Variants in EPB41L4A observed in about 807,000 individuals in gnomAD.
EPB41L4A encodes band 4.1-like protein 4A.
In EPB41L4A, 100 loss-of-function variants were observed where a neutral mutation model predicts 108.6. The ratio of observed to expected loss-of-function variants is 0.92; its 90% CI spans 0.78 to 1.09. EPB41L4A has a LOEUF of 1.09. Ranked by LOEUF, EPB41L4A falls within the 50% of genes least tolerant of loss-of-function variation. The pLI, the probability that EPB41L4A is intolerant of heterozygous loss-of-function variation, is 0.00. For missense variants in EPB41L4A, 1,030 were observed against 842.7 expected (o/e 1.22, Z -2.75); for synonymous variants, 319 against 289.0 (o/e 1.10, Z -1.05).
chr5:112,279,064 CA>C (rs60463391), intron 3 of EPB41L4A, among the ~76,000 whole-genome samples: 1,677 of 76,860 alleles, frequency 0.022, 10 homozygotes, highest in African/African-American at 0.051. Context: ...GATACCGTCT[CA>C]AAAAAAAAAA....
chr5:112,357,778 A>G (rs946282800), intron 1 of EPB41L4A, among the ~76,000 whole-genome samples: 3 of 152,226 alleles, frequency 2.0e-5, no homozygotes, highest in Non-Finnish European at 4.4e-5. Context: ...AGAAAATAGT[A>G]TAGGAACAGA....
At chr5:112,241,242 A>T (rs1749764365) in intron 9 of EPB41L4A, among the ~76,000 whole-genome samples, 1 of 152,192 alleles carries the variant, frequency 6.6e-6, no homozygotes, top group Admixed American at 6.6e-5. Context: ...CAATGAGTAA[A>T]GAATCTCAAG....
chr5:112,325,261 G>A (rs145126654), intron 1 of EPB41L4A, among the ~76,000 whole-genome samples: 2,465 of 152,164 alleles, frequency 0.016, 63 homozygotes, highest in South Asian at 0.057. Context: ...CTAACATGGT[G>A]AAACCCTGTC....
chr5:112,292,933 T>C (rs1331741072), intron 2 of EPB41L4A, among the ~76,000 whole-genome samples: 3 of 152,172 alleles, frequency 2.0e-5, no homozygotes, highest in Admixed American at 2.0e-4. Flanking sequence ...AGAAGGACAG[T>C]CTAATTTAAT....
intron 2 of EPB41L4A, among the ~76,000 whole-genome samples, chr5:112,305,385 G>A (rs1471938165): frequency 6.6e-6 from 1 of 152,034 alleles, no homozygotes; most frequent in African/African-American, 2.4e-5. Flanking sequence ...TGCTATGTGA[G>A]GTCCCGAATG....
At chr5:112,284,279 T>C (rs1753143344) in intron 2 of EPB41L4A, among the ~76,000 whole-genome samples, 1 of 152,154 alleles carries the variant, frequency 6.6e-6, no homozygotes, top group Admixed American at 6.5e-5. Context: ...TGGAGTCTCC[T>C]AGAGTTCTAA....
intron 1 of EPB41L4A, among the ~76,000 whole-genome samples, chr5:112,348,113 C>CAA (rs1757804040): frequency 6.6e-6 from 1 of 152,152 alleles, no homozygotes; most frequent in African/African-American, 2.4e-5. Flanking sequence ...TGTGCCCTAC[C>CAA]TATTACACTT....
rs150742810 is a variant in EPB41L4A at position 112,401,796 on chromosome 5, G to A, written c.99+17145C>T. 2.8e-4 allele frequency among the ~76,000 whole-genome samples: 42 copies of A among 152,314 alleles called. 1 individual carries two copies. The East Asian group carries it at 6.4e-3, about 23-fold the overall frequency. ...AGAGAGCCAATGACAGGTGCATGCA[G>A]TAAAACCTCAAGATACACTAGTCAG... On this transcript the variant is annotated intron_variant, in intron 1 of 22. Transcript: ENST00000261486.
chr5:112,226,752 T>C (rs1748482638), intron 12 of EPB41L4A, among the ~76,000 whole-genome samples: 1 of 151,728 alleles, frequency 6.6e-6, no homozygotes, highest in Admixed American at 6.6e-5. Flanking sequence ...ATTCCATTTA[T>C]ATGAAGTACT....
intron 1 of EPB41L4A, among the ~76,000 whole-genome samples, chr5:112,319,011 G>C (rs1021242791): frequency 6.6e-6 from 1 of 152,156 alleles, no homozygotes; most frequent in African/African-American, 2.4e-5. Context: ...ATAGGAAACA[G>C]AGCAACAACA....
chr5:112,224,227 G>C (rs1270413737), intron 12 of EPB41L4A, among the ~76,000 whole-genome samples: 4 of 152,184 alleles, frequency 2.6e-5, no homozygotes, highest in Non-Finnish European at 5.9e-5. Flanking sequence ...TGGGATTACA[G>C]GTGTAAGCCA....
chr5:112,223,665 C>A (rs902201250), intron 12 of EPB41L4A, among the ~76,000 whole-genome samples: 4 of 152,216 alleles, frequency 2.6e-5, no homozygotes, highest in Admixed American at 6.5e-5. Context: ...CCAATTCCCA[C>A]TGCTGACTTC....
chr5:112,300,879 T>C (rs1754310927), intron 2 of EPB41L4A, among the ~76,000 whole-genome samples: 1 of 152,194 alleles, frequency 6.6e-6, no homozygotes, highest in Non-Finnish European at 1.5e-5. Flanking sequence ...ACTGGGTTAA[T>C]TTGATAACCT....
intron 1 of EPB41L4A, among the ~76,000 whole-genome samples, chr5:112,310,708 G>A (rs1754993396): frequency 6.6e-6 from 1 of 152,048 alleles, no homozygotes; most frequent in Non-Finnish European, 1.5e-5. Context: ...AATCTTCTTA[G>A]AGAAATTCCC....
intron 9 of EPB41L4A, among the ~76,000 whole-genome samples, chr5:112,251,516 C>A (rs1750666741): frequency 6.6e-6 from 1 of 151,938 alleles, no homozygotes; most frequent in African/African-American, 2.4e-5. Context: ...GGGGAAAAAA[C>A]CCCAACACAG....
At chr5:112,261,552 G>C (rs1751483040) in intron 7 of EPB41L4A, among the ~76,000 whole-genome samples, 1 of 152,146 alleles carries the variant, frequency 6.6e-6, no homozygotes, top group Non-Finnish European at 1.5e-5. Flanking sequence ...CATTGACATA[G>C]AATAATCAAT....
intron 4 of EPB41L4A, among the ~76,000 whole-genome samples, chr5:112,267,417 T>C (rs764640870): frequency 2.6e-5 from 4 of 152,342 alleles, no homozygotes; most frequent in East Asian, 3.9e-4. Flanking sequence ...AGACACCACA[T>C]TGATTATTTC....
At chr5:112,183,473 CAATT>C (rs1483528873) in intron 18 of EPB41L4A, 2 of 153,886 alleles carry the variant, frequency 1.3e-5, no homozygotes, top group African/African-American at 4.8e-5. Flanking sequence ...AGCTCAAAGA[CAATT>C]AATTTGGGGG....
intron 1 of EPB41L4A, among the ~76,000 whole-genome samples, chr5:112,329,148 C>A (rs1360604553): frequency 6.6e-6 from 1 of 152,182 alleles, no homozygotes; most frequent in Non-Finnish European, 1.5e-5. Context: ...ATAAAATACA[C>A]ACTGGATTTT....
Sources: gnomAD v4.1 joint callset for allele counts (sites outside exome capture counted in the v4.1 genomes callset) on GRCh38, gnomAD v4.1.1 for gene constraint, MANE v1.5 for transcripts, NCBI Gene and HGNC (gene_info 2026-07-23, HGNC 2026-07-21) for gene names.